PPP1R37: variants seen among roughly 807,000 people sequenced by gnomAD.
PPP1R37 encodes the protein protein phosphatase 1 regulatory subunit 37.
Under a neutral mutation model 61.0 loss-of-function variants are expected in PPP1R37, and 21 were observed. The ratio of observed to expected loss-of-function variants is 0.34; its 90% CI spans 0.24 to 0.50. The LOEUF is 0.50. Ranked by LOEUF, PPP1R37 falls within the 20% of genes least tolerant of loss-of-function variation. The pLI, the probability that PPP1R37 is intolerant of heterozygous loss-of-function variation, is 0.98. For synonymous variants in PPP1R37, 443 were observed against 433.5 expected, an observed-to-expected ratio of 1.02 and a Z score of -0.27; for missense variants, 910 against 952.7, an observed-to-expected ratio of 0.96 and a Z score of 0.59.
At chr19:45,128,056 T>C (rs1226755175) in intron 1 of PPP1R37, among the ~76,000 whole-genome samples, 3 of 151,536 alleles carry the variant, frequency 2.0e-5, no homozygotes. Flanking sequence ...TTTATCGAAA[T>C]ACCACATGTA....
Position 45,142,163 on chromosome 19 carries a change from C to G in PPP1R37, c.670C>G (p.Leu224Val). ...ALRIRSSLAV[L>V]HLENASLSGR... The stretch of plus-strand genomic sequence containing the variant: ...GCGCATCCGCAGCAGCCTGGCAGTG[C>G]TGCACTTGGAGAACGCCAGCCTGTC... The change falls in exon 6 of 13, where the codon CTG becomes GTG. Residue 224 changes from leucine to valine, a missense_variant. By Grantham distance (32) the Leu-to-Val change is conservative. Transcript: ENST00000221462. The G allele has an allele frequency of 6.5e-7, 1 of 1,535,336 alleles. No homozygotes were observed. Among genetic ancestry groups the G allele is most frequent in the Non-Finnish European group, 8.7e-7 (1 of 1,146,538 alleles).
intron 4 of PPP1R37, 113 bp from the exon 5 acceptor site, chr19:45,141,209 C>T (rs1968607013): frequency 8.1e-7 from 1 of 1,230,084 alleles, no homozygotes; most frequent in South Asian, 1.6e-5. Flanking sequence ...TCCCGTGTGG[C>T]TCTCTCCAGA....
chr19:45,120,191 G>A (rs1403734535), intron 1 of PPP1R37, among the ~76,000 whole-genome samples: 1 of 151,788 alleles, frequency 6.6e-6, no homozygotes, highest in Non-Finnish European at 1.5e-5. Flanking sequence ...CTAATGTTTT[G>A]TATTTTTAGT....
rs2122699344 is a variant in PPP1R37, at chr19:45,093,234, G to T, written c.-92G>T. The stretch of plus-strand genomic sequence containing the variant: ...AGGCGGCGCCTGAAGCGGCGGCGGA[G>T]CCCATGCCCCGGGACGGCGGGCGGA... On this transcript the variant is annotated 5_prime_UTR_variant, in exon 1 of 13. Coordinates refer to ENST00000221462, the MANE Select transcript of PPP1R37 (RefSeq NM_019121.2). 7.6e-6 allele frequency: 8 copies of T among 1,047,036 alleles called. No homozygotes were observed. In the South Asian group the frequency reaches 1.2e-4, roughly 16 times the overall value. 64.9% of individuals were successfully genotyped at this position (1,047,036 alleles called of 1,614,324 possible). A position where few individuals can be genotyped will look rare whatever the true frequency, so the allele number is the denominator to read the frequency against.
chr19:45,098,548 T>G (rs1274988887), intron 1 of PPP1R37, among the ~76,000 whole-genome samples: 2 of 152,146 alleles, frequency 1.3e-5, no homozygotes, highest in Admixed American at 1.3e-4. Context: ...AGGAAGCTAC[T>G]TGCATGAAGT....
At chr19:45,140,332 G>T in intron 3 of PPP1R37, 51 bp downstream of exon 3, 1 of 1,513,932 alleles carries the variant, frequency 6.6e-7, no homozygotes, top group South Asian at 1.2e-5. Flanking sequence ...GCAGGTCGGG[G>T]GCTCCCTAGA....
intron 2 of PPP1R37, among the ~76,000 whole-genome samples, chr19:45,139,672 G>A (rs561780560): frequency 1.1e-3 from 164 of 152,376 alleles, no homozygotes; most frequent in African/African-American, 3.8e-3. Flanking sequence ...CCCAGGAAGG[G>A]TGGCTGCTCA....
At chr19:45,125,115 G>A (rs1156638371) in intron 1 of PPP1R37, among the ~76,000 whole-genome samples, 1 of 152,214 alleles carries the variant, frequency 6.6e-6, no homozygotes, top group African/African-American at 2.4e-5. Flanking sequence ...GGTCTGAAGG[G>A]TCCTGAATAG....
chr19:45,123,120 T>C lies in PPP1R37; in HGVS notation c.203-15394T>C, dbSNP rs531336768. Among the ~76,000 whole-genome samples, 610 of 141,906 alleles carry C rather than the reference T, an allele frequency of 4.3e-3. 4 individuals are homozygous for C. The highest frequency in any genetic ancestry group is 0.015 in the African/African-American group (585 of 39,910). The allele number at this position is 141,906 out of a possible 152,430, so 93.1% of individuals were successfully genotyped here. On this transcript the variant is annotated intron_variant, in intron 1 of 12. Coordinates refer to ENST00000221462, the MANE Select transcript of PPP1R37 (RefSeq NM_019121.2). ...GTCCCCTCCCTCCCTCCCTCCATCA[T>C]AGCCTTGATGCTGTTCTGCCACTGC...
chr19:45,127,471 C>A (rs1968421595), intron 1 of PPP1R37, among the ~76,000 whole-genome samples: 1 of 151,718 alleles, frequency 6.6e-6, no homozygotes, highest in Admixed American at 6.6e-5. Context: ...GTGCTGAGTA[C>A]CCTCGGCAAG....
chr19:45,140,724 C>T (rs1254518676), intron 4 of PPP1R37, 118 bp downstream of exon 4: 19 of 725,054 alleles, frequency 2.6e-5, no homozygotes, highest in African/African-American at 8.8e-5. Flanking sequence ...TGAGGGGTGG[C>T]GCAAGGGCGG....
At chr19:45,103,894 G>C (rs1262213156) in intron 1 of PPP1R37, among the ~76,000 whole-genome samples, 1 of 152,114 alleles carries the variant, frequency 6.6e-6, no homozygotes, top group Non-Finnish European at 1.5e-5. Flanking sequence ...CTGATCCTCT[G>C]TCCTGTTTCA....
intron 1 of PPP1R37, among the ~76,000 whole-genome samples, chr19:45,133,724 C>T (rs755443817): frequency 3.3e-5 from 5 of 152,168 alleles, no homozygotes; most frequent in African/African-American, 7.2e-5. Flanking sequence ...GCCTGGAAGC[C>T]GTGACTGACA....
intron 2 of PPP1R37, among the ~76,000 whole-genome samples, chr19:45,139,577 G>T (rs1968583187): frequency 6.6e-6 from 1 of 152,220 alleles, no homozygotes; most frequent in Admixed American, 6.5e-5. Flanking sequence ...AGCTGTGCTG[G>T]AAGCAACCAC....
At chr19:45,129,345 C>T (rs1968448291) in intron 1 of PPP1R37, among the ~76,000 whole-genome samples, 1 of 152,156 alleles carries the variant, frequency 6.6e-6, no homozygotes, top group African/African-American at 2.4e-5. Context: ...GTTGCCCAAG[C>T]TGGAGTGCAC....
rs1968621860 is a variant in PPP1R37, at chr19:45,142,193, C to T, written c.700C>T (p.Arg234Trp). The T allele has an allele frequency of 3.9e-6, 6 of 1,534,578 alleles. No homozygotes were observed. Among genetic ancestry groups the T allele is most frequent in the East Asian group, 2.4e-5 (1 of 40,884 alleles). Residue 234 changes from arginine to tryptophan, a missense_variant, in exon 6 of 13, where the codon CGG becomes TGG. Coordinates refer to ENST00000221462, the MANE Select transcript of PPP1R37 (RefSeq NM_019121.2). Reference protein sequence around the residue: ...LHLENASLSGRPLMLLATALK... With the variant: ...LHLENASLSGWPLMLLATALK... ...CTTGGAGAACGCCAGCCTGTCGGGG[C>T]GGCCCCTCATGCTGCTCGGTGAGCC...
rs188382723 is a variant in PPP1R37, at chr19:45,132,240, C to T, written c.203-6274C>T. Reference sequence around the variant, plus strand: ...GCCCACCCCCACATACTTGTGTGCACATGGTGGATTTACTGCATGCTGGAA... The same window carrying T: ...GCCCACCCCCACATACTTGTGTGCATATGGTGGATTTACTGCATGCTGGAA... On this transcript the variant is annotated intron_variant, in intron 1 of 12. Coordinates refer to ENST00000221462, the MANE Select transcript of PPP1R37 (RefSeq NM_019121.2). Among the ~76,000 whole-genome samples, 13 of 152,234 alleles carry T rather than the reference C, an allele frequency of 8.5e-5. No individual in the cohort carries two copies. The East Asian group carries it at 2.5e-3, about 29-fold the overall frequency.
rs369693040 is a variant in PPP1R37 at position 45,146,409 on chromosome 19, C to G, written c.2013C>G (p.Asn671Lys). The G allele has an allele frequency of 2.6e-6, 4 of 1,535,710 alleles. No homozygotes were observed. In the African/African-American group the frequency reaches 4.1e-5, roughly 16 times the overall value. ...ACACAGAACTGAGCTGCTCCAAGAA[C>G]GAGAAGGAGCTCGAGGAGCTGCTTC... is the stretch of plus-strand genomic sequence containing the variant. ...GLEHELSCSK[N>K]EKELEELLLE... The change falls in exon 12 of 13, where the codon AAC (asparagine) becomes AAG (lysine). Residue 671 changes from asparagine (N) to lysine (K), a missense_variant. Physicochemically the swap from Asn to Lys is moderately conservative, Grantham distance 94. Around this residue, in one of 3 missense-constraint regions of PPP1R37, gnomAD observed 549 missense variants for 505.1 expected, o/e 1.09. Transcript: ENST00000221462.
At position 45,146,014 on chromosome 19, in the gene PPP1R37, C is replaced by G; in HGVS notation, c.1958C>G (p.Pro653Arg). The change falls in exon 11 of 13, where the codon CCT becomes CGT. Residue 653 changes from proline (P) to arginine (R), a missense_variant. This residue lies in a region of PPP1R37 where 549 missense variants were observed against 505.1 expected (regional missense o/e 1.09). Transcript: ENST00000221462. Reference protein sequence around the residue: ...LALPPEPPPGPEVKGGSCGLE... With the variant: ...LALPPEPPPGREVKGGSCGLE... ...CTGCCCCCTGAGCCGCCCCCGGGGCCTGAGGTCAAGGGGGGCAGCTGCGGC... is the reference window on the plus strand; with the variant it reads ...CTGCCCCCTGAGCCGCCCCCGGGGCGTGAGGTCAAGGGGGGCAGCTGCGGC... 6.5e-7 allele frequency: 1 copy of G among 1,532,880 alleles called. No homozygotes were observed. The allele number at this position is 1,532,880 out of a possible 1,614,324, so 95.0% of individuals were successfully genotyped here.
Sources: gnomAD v4.1 joint callset for allele counts (sites outside exome capture counted in the v4.1 genomes callset) on GRCh38, gnomAD v4.1.1 for gene constraint, gnomAD v4.1.1 regional missense constraint, MANE v1.5 for transcripts, NCBI Gene and HGNC (gene_info 2026-07-23, HGNC 2026-07-21) for gene names.